The following PTPRD variants were observed in gnomAD, a reference collection of about 807,000 sequenced individuals.
The protein encoded by PTPRD is receptor-type tyrosine-protein phosphatase delta.
In PTPRD, 34 loss-of-function variants were observed where a neutral mutation model predicts 214.5. The ratio of observed to expected loss-of-function variants is 0.16; its 90% CI spans 0.12 to 0.21. The LOEUF is 0.21. Ranked by LOEUF, PTPRD falls within the 10% of genes least tolerant of loss-of-function variation. The probability of loss-of-function intolerance (pLI) is 1.00; values close to 1 mark genes in which losing one functional copy is unlikely to be tolerated. For missense variants in PTPRD, 2,545 were observed against 2,398.7 expected, an observed-to-expected ratio of 1.06 and a Z score of -1.27; for synonymous variants, 1,128 against 845.7, an observed-to-expected ratio of 1.33 and a Z score of -5.79.
chr9:8,607,798 CA>C (rs1366826243), intron 14 of PTPRD, among the ~76,000 whole-genome samples: 1 of 152,110 alleles, frequency 6.6e-6, no homozygotes, highest in African/African-American at 2.4e-5. Flanking sequence ...TAAATAAACA[CA>C]AATATTTATT....
At chr9:10,382,273 CTT>C (rs2097841095) in intron 2 of PTPRD, among the ~76,000 whole-genome samples, 1 of 151,898 alleles carries the variant, frequency 6.6e-6, no homozygotes, top group African/African-American at 2.4e-5. Flanking sequence ...TTTTCAAACT[CTT>C]GTTTGTATTC....
chr9:10,156,295 C>A (rs1446382713), intron 3 of PTPRD, among the ~76,000 whole-genome samples: 1 of 152,112 alleles, frequency 6.6e-6, no homozygotes, highest in Non-Finnish European at 1.5e-5. Flanking sequence ...TCCTTCTTAA[C>A]ACTGCCCTAG....
chr9:9,587,275 CAT>C (rs939946032), intron 7 of PTPRD, among the ~76,000 whole-genome samples: 5 of 151,900 alleles, frequency 3.3e-5, no homozygotes, highest in African/African-American at 4.8e-5. Context: ...TAAGCAAACA[CAT>C]GTGCACATTA....
chr9:10,539,048 A>C (rs2058514893), intron 2 of PTPRD, among the ~76,000 whole-genome samples: 1 of 152,210 alleles, frequency 6.6e-6, no homozygotes, highest in Non-Finnish European at 1.5e-5. Context: ...CACTCTTTCC[A>C]CATTAATGCA....
At chr9:10,428,532 A>G (rs2098646849) in intron 2 of PTPRD, among the ~76,000 whole-genome samples, 2 of 151,790 alleles carry the variant, frequency 1.3e-5, no homozygotes, top group South Asian at 4.2e-4. Context: ...TTTTAGGGAG[A>G]ATATGAGAGT....
intron 3 of PTPRD, among the ~76,000 whole-genome samples, chr9:10,287,892 T>C (rs2095412443): frequency 6.7e-6 from 1 of 150,128 alleles, no homozygotes; most frequent in African/African-American, 2.5e-5. Context: ...ACAGAGGGGG[T>C]TTTCTCTCCT....
chr9:8,615,969 A>G (rs2095599029), intron 14 of PTPRD, among the ~76,000 whole-genome samples: 1 of 152,132 alleles, frequency 6.6e-6, no homozygotes, highest in Non-Finnish European at 1.5e-5. Context: ...TAATCTTGAT[A>G]ATTTAGTACC....
intron 7 of PTPRD, among the ~76,000 whole-genome samples, chr9:9,714,060 C>T (rs910793278): frequency 1.1e-4 from 15 of 132,444 alleles, no homozygotes; most frequent in Admixed American, 1.0e-3. Flanking sequence ...GACCCCAGTA[C>T]ATCTTTTACA....
At position 9,452,848 on chromosome 9, in the gene PTPRD, A is replaced by G. The variant is rs144416157; in HGVS notation, c.-236-55366T>C. On this transcript the variant is annotated intron_variant, in intron 8 of 45. Coordinates refer to ENST00000381196, the MANE Select transcript of PTPRD (RefSeq NM_002839.4). ...AGAACACTAAGCTATTTCTAATTCA[A>G]TAATATCCAAAATTTTATTTGCTCA... is the stretch of plus-strand genomic sequence containing the variant. Among the ~76,000 whole-genome samples, 667 of 151,660 alleles carry G rather than the reference A, an allele frequency of 4.4e-3. 1 individual carries two copies. The highest frequency in any genetic ancestry group is 0.014 in the African/African-American group (597 of 41,506).
chr9:10,126,456 CACACACAT>C (rs2098820624), intron 3 of PTPRD, among the ~76,000 whole-genome samples: 1 of 148,070 alleles, frequency 6.8e-6, no homozygotes, highest in South Asian at 2.1e-4. Flanking sequence ...CACACACACA[CACACACAT>C]TGATATATAT....
intron 12 of PTPRD, among the ~76,000 whole-genome samples, chr9:8,661,081 T>C (rs1472454360): frequency 1.3e-5 from 2 of 152,100 alleles, no homozygotes; most frequent in African/African-American, 4.8e-5. Flanking sequence ...TTTTTCTGGT[T>C]ATAGAACAGT....
intron 2 of PTPRD, among the ~76,000 whole-genome samples, chr9:10,478,400 G>T (rs924625447): frequency 1.3e-5 from 2 of 152,032 alleles, no homozygotes; most frequent in African/African-American, 2.4e-5. Context: ...CTTGATACCT[G>T]TACAAAGGAG....
intron 9 of PTPRD, among the ~76,000 whole-genome samples, chr9:9,304,316 G>C (rs1236745196): frequency 6.6e-6 from 1 of 152,170 alleles, no homozygotes; most frequent in African/African-American, 2.4e-5. Flanking sequence ...TTTGAGTAAA[G>C]TGATCATGAT....
chr9:10,523,891 T>C (rs1490539644), intron 2 of PTPRD, among the ~76,000 whole-genome samples: 1 of 151,896 alleles, frequency 6.6e-6, no homozygotes, highest in African/African-American at 2.4e-5. Context: ...AAAATGCTCA[T>C]TCAGTGTGTT....
chr9:8,706,320 C>A (rs2098207682), intron 12 of PTPRD, among the ~76,000 whole-genome samples: 1 of 152,072 alleles, frequency 6.6e-6, no homozygotes, highest in Non-Finnish European at 1.5e-5. Flanking sequence ...ACCGCTTTAC[C>A]TTTCCTTTAT....
At chr9:8,335,054 A>AATTCTACC (rs1189003895) in intron 43 of PTPRD, among the ~76,000 whole-genome samples, 4 of 151,928 alleles carry the variant, frequency 2.6e-5, no homozygotes, top group Non-Finnish European at 5.9e-5. Flanking sequence ...GGACCAGATG[A>AATTCTACC]ATTCTACCAG....
At chr9:9,053,776 T>A (rs951442115) in intron 10 of PTPRD, among the ~76,000 whole-genome samples, 1 of 152,162 alleles carries the variant, frequency 6.6e-6, no homozygotes, top group South Asian at 2.1e-4. Flanking sequence ...TGGATGTTAT[T>A]GAAAATGTTG....
intron 11 of PTPRD, among the ~76,000 whole-genome samples, chr9:8,969,966 A>G (rs1317906569): frequency 1.3e-5 from 2 of 151,976 alleles, no homozygotes; most frequent in Non-Finnish European, 2.9e-5. Context: ...TGAGAATGTA[A>G]TAAGGTGTAA....
chr9:9,244,586 G>A (rs185307993), intron 9 of PTPRD, among the ~76,000 whole-genome samples: 21 of 152,314 alleles, frequency 1.4e-4, no homozygotes, highest in Middle Eastern at 3.4e-3. Context: ...CTAGCCATAC[G>A]TAAAAAGCTG....
Sources: gnomAD v4.1 joint callset for allele counts (sites outside exome capture counted in the v4.1 genomes callset) on GRCh38, gnomAD v4.1.1 for gene constraint, MANE v1.5 for transcripts, NCBI Gene and HGNC (gene_info 2026-07-23, HGNC 2026-07-21) for gene names.